Variants in SNX4 observed in about 807,000 individuals in gnomAD.
SNX4 encodes sorting nexin-4.
SNX4 carries 49 observed loss-of-function variants against 70.8 expected under a neutral mutation model. The ratio of observed to expected loss-of-function variants is 0.69; its 90% confidence interval spans 0.55 to 0.88. SNX4 has a LOEUF of 0.88. Ranked by LOEUF, SNX4 falls within the 40% of genes least tolerant of loss-of-function variation. The pLI is 0.00. For synonymous variants in SNX4, 206 were observed against 183.8 expected, an observed-to-expected ratio of 1.12 and a Z score of -0.98; for missense variants, 528 against 544.8, an observed-to-expected ratio of 0.97 and a Z score of 0.31.
intron 9 of SNX4, among the ~76,000 whole-genome samples, chr3:125,466,748 C>A (rs1286554266): frequency 6.6e-6 from 1 of 151,948 alleles, no homozygotes; most frequent in African/African-American, 2.4e-5. Flanking sequence ...GCTGATAGCA[C>A]CACTGTTCTC....
At chr3:125,506,926 G>A (rs1935058550) in intron 1 of SNX4, among the ~76,000 whole-genome samples, 1 of 147,840 alleles carries the variant, frequency 6.8e-6, no homozygotes, top group African/African-American at 2.5e-5. Context: ...AAGTGGCAGG[G>A]CATGATGGTT....
In SNX4 at chr3:125,461,150, C is replaced by T. The variant is rs771107594; in HGVS notation, c.855-290G>A. ...CTGAGGCAGGAGAATCTCTTGAACC[C>T]GGGAGGAGGAGGTTGCAGTGAGCCA... On this transcript the variant is annotated intron_variant, in intron 9 of 13. Transcript: ENST00000251775. 4.6e-5 allele frequency among the ~76,000 whole-genome samples: 7 copies of T among 152,088 alleles called. No individual in the cohort carries two copies. In the South Asian group the frequency reaches 1.2e-3, roughly 27 times the overall value.
At chr3:125,482,046 T>C (rs1159315885) in intron 6 of SNX4, among the ~76,000 whole-genome samples, 1 of 152,148 alleles carries the variant, frequency 6.6e-6, no homozygotes, top group African/African-American at 2.4e-5. Context: ...CCTCAGGTAG[T>C]TATACTTTGA....
chr3:125,454,464 C>T (rs1399975003), intron 11 of SNX4, among the ~76,000 whole-genome samples: 1 of 152,194 alleles, frequency 6.6e-6, no homozygotes, highest in African/African-American at 2.4e-5. Flanking sequence ...TCCTCAGCAC[C>T]CCCTGCCCTG....
chr3:125,463,710 T>G (rs1358873263), intron 9 of SNX4, among the ~76,000 whole-genome samples: 2 of 152,196 alleles, frequency 1.3e-5, no homozygotes, highest in Admixed American at 6.5e-5. Context: ...CAATGTGATG[T>G]TTTGATGTAT....
intron 6 of SNX4, among the ~76,000 whole-genome samples, chr3:125,488,245 G>A (rs1372003558): frequency 6.6e-6 from 1 of 150,732 alleles, no homozygotes; most frequent in Non-Finnish European, 1.5e-5. Context: ...GGAGGCCAAG[G>A]CGGGTGGATT....
chr3:125,488,310 T>C (rs1027175241), intron 6 of SNX4, among the ~76,000 whole-genome samples: 3 of 151,582 alleles, frequency 2.0e-5, no homozygotes, highest in Non-Finnish European at 2.9e-5. Context: ...ACCCCATCTC[T>C]ACTAAAATAC....
At chr3:125,482,933 C>T (rs1435385417) in intron 6 of SNX4, among the ~76,000 whole-genome samples, 1 of 152,040 alleles carries the variant, frequency 6.6e-6, no homozygotes, top group East Asian at 1.9e-4. Flanking sequence ...GGAAAATGTA[C>T]ACTTGCATTT....
At chr3:125,456,428 A>T in intron 11 of SNX4, among the ~76,000 whole-genome samples, 1 of 152,118 alleles carries the variant, frequency 6.6e-6, no homozygotes, top group South Asian at 2.1e-4. Context: ...TGGGAGGCGG[A>T]GGTGGGAGGA....
intron 6 of SNX4, among the ~76,000 whole-genome samples, chr3:125,486,737 AC>A (rs1235830515): frequency 3.9e-5 from 6 of 152,110 alleles, no homozygotes; most frequent in Non-Finnish European, 5.9e-5. Flanking sequence ...ATGGAGATAG[AC>A]CTTGGGCACA....
chr3:125,471,535 G>C (rs1270117850), intron 8 of SNX4, among the ~76,000 whole-genome samples: 1 of 152,098 alleles, frequency 6.6e-6, no homozygotes, highest in Non-Finnish European at 1.5e-5. Flanking sequence ...GGAATCTCTT[G>C]AAAGGAACTG....
chr3:125,508,255 T>C (rs900230087), intron 1 of SNX4, among the ~76,000 whole-genome samples: 3 of 152,126 alleles, frequency 2.0e-5, no homozygotes, highest in African/African-American at 4.8e-5. Context: ...GGACCCCAAA[T>C]AGCCAAAGCA....
At chr3:125,480,040 T>C (rs1934375676) in intron 7 of SNX4, among the ~76,000 whole-genome samples, 1 of 152,076 alleles carries the variant, frequency 6.6e-6, no homozygotes, top group Non-Finnish European at 1.5e-5. Context: ...TTACAAACCA[T>C]GGAGAGAAAA....
At chr3:125,504,292 C>T (rs1176502215) in intron 2 of SNX4, among the ~76,000 whole-genome samples, 1 of 148,994 alleles carries the variant, frequency 6.7e-6, no homozygotes, top group Non-Finnish European at 1.5e-5. Context: ...AAGATCATGC[C>T]ACTGCATTCT....
chr3:125,449,963 T>G (rs9849264), intron 13 of SNX4, among the ~76,000 whole-genome samples: 65,082 of 152,114 alleles, frequency 0.43, 15,626 homozygotes, highest in African/African-American at 0.67. Flanking sequence ...AGGACTGTAC[T>G]ACTGGGTGTG....
Position 125,520,164 on chromosome 3 carries a change from C to G in SNX4, c.9G>C (p.Gln3His). 2 of 1,394,538 alleles carry G rather than the reference C, an allele frequency of 1.4e-6. No individual in the cohort carries two copies. The highest frequency in any genetic ancestry group is 1.9e-6 in the Non-Finnish European group (2 of 1,079,616). 86.4% of individuals were successfully genotyped at this position (1,394,538 alleles called of 1,614,324 possible). A position where few individuals can be genotyped will look rare whatever the true frequency, so the allele number is the denominator to read the frequency against. ...GCTGCCGCTCGGGGTCCGGAGGTGC[C>G]TGCTCCATGGCTGCAGTTCGGCGCG... ME[Q>H]APPDPERQLQ... is the part of the protein sequence containing the mutation. Residue 3 changes from glutamine (Q) to histidine (H), a missense_variant, in exon 1 of 14, where the codon CAG becomes CAC. Physicochemically the swap from Gln to His is conservative, Grantham distance 24 (BLOSUM62 0). Transcript: ENST00000251775.
At chr3:125,462,687 T>A (rs1933915248) in intron 9 of SNX4, among the ~76,000 whole-genome samples, 1 of 152,074 alleles carries the variant, frequency 6.6e-6, no homozygotes, top group South Asian at 2.1e-4. Flanking sequence ...CATGGCAAGT[T>A]GCAGTTTATC....
At chr3:125,448,719 A>G (rs1246511358) in intron 13 of SNX4, among the ~76,000 whole-genome samples, 4 of 119,970 alleles carry the variant, frequency 3.3e-5, no homozygotes, top group Non-Finnish European at 6.3e-5. Context: ...TCTGTCGCCC[A>G]GGCTGGAGTG....
At chr3:125,474,016 C>A (rs1481906300) in intron 8 of SNX4, among the ~76,000 whole-genome samples, 1 of 152,186 alleles carries the variant, frequency 6.6e-6, no homozygotes, top group East Asian at 1.9e-4. Context: ...TGCAATTTAT[C>A]CACATGAGAA....
Sources: gnomAD v4.1 joint callset for allele counts (sites outside exome capture counted in the v4.1 genomes callset) on GRCh38, gnomAD v4.1.1 for gene constraint, MANE v1.5 for transcripts, NCBI Gene and HGNC (gene_info 2026-07-23, HGNC 2026-07-21) for gene names.